ATP2B2: variants seen among roughly 807,000 people sequenced by gnomAD.
The protein encoded by ATP2B2 is plasma membrane calcium-transporting ATPase 2.
ATP2B2 carries 15 observed loss-of-function variants against 120.0 expected under a neutral mutation model. That is an observed-to-expected ratio of 0.12 (90% CI 0.08 to 0.19). The LOEUF (loss-of-function observed/expected upper bound fraction) is 0.19, where lower values mean the gene tolerates loss of function less well. Ranked by LOEUF, ATP2B2 falls within the 10% of genes least tolerant of loss-of-function variation. The pLI is 1.00. For synonymous variants in ATP2B2, 694 were observed against 700.3 expected, an observed-to-expected ratio of 0.99 and a Z score of 0.14; for missense variants, 1,045 against 1,719.8, an observed-to-expected ratio of 0.61 and a Z score of 6.94.
At chr3:10,473,794 A>C (rs776112536) in intron 1 of ATP2B2, among the ~76,000 whole-genome samples, 1 of 152,206 alleles carries the variant, frequency 6.6e-6, no homozygotes, top group African/African-American at 2.4e-5. Context: ...TGCTTTTAGT[A>C]ACTCAAAGAA....
chr3:10,543,885 C>T (rs962894683), intron 2 of ATP2B2, among the ~76,000 whole-genome samples: 4 of 152,008 alleles, frequency 2.6e-5, no homozygotes, highest in Non-Finnish European at 1.5e-5. Context: ...ACTACAGGCA[C>T]ATGTCATCAT....
intron 8 of ATP2B2, 101 bp downstream of exon 8, chr3:10,385,167 A>G (rs1290684965): frequency 1.7e-6 from 2 of 1,198,012 alleles, no homozygotes; most frequent in Non-Finnish European, 2.5e-6. Flanking sequence ...TGCACATCCG[A>G]GATCTGTGCA....
At chr3:10,487,090 A>C (rs1347842761) in intron 1 of ATP2B2, among the ~76,000 whole-genome samples, 1 of 152,164 alleles carries the variant, frequency 6.6e-6, no homozygotes, top group Non-Finnish European at 1.5e-5. Flanking sequence ...ACCACTATGT[A>C]CCCACTGCCT....
At chr3:10,580,902 G>C (rs775862510) in intron 2 of ATP2B2, among the ~76,000 whole-genome samples, 14 of 152,312 alleles carry the variant, frequency 9.2e-5, no homozygotes, top group Non-Finnish European at 1.6e-4. Context: ...TAGCAAAGTT[G>C]AATCATTGCG....
intron 14 of ATP2B2, 37 bp from the exon 15 acceptor site, chr3:10,350,614 ACCTCAGG>A: frequency 6.3e-7 from 1 of 1,598,578 alleles, no homozygotes; most frequent in Non-Finnish European, 8.5e-7. Flanking sequence ...GGAGGGCACC[ACCTCAGG>A]CAGACTCCCC....
In ATP2B2 at chr3:10,375,438, A is replaced by C; in HGVS notation, c.1408T>G (p.Ser470Ala). Reference protein sequence around the residue: ...PLAVTISLAYSVKKMMKDNNL... With the variant: ...PLAVTISLAYAVKKMMKDNNL... ...CTCTCCTCCCCTCTCACCTTCACCG[A>C]ATAGGCCAACGAGATGGTGACGGCC... The change falls in exon 11 of 23, where the codon TCG (serine) becomes GCG (alanine). Residue 470 changes from serine (S) to alanine (A), a missense_variant. This residue lies in a region of ATP2B2 where 343 missense variants were observed against 536.8 expected (regional missense o/e 0.64). Coordinates refer to ENST00000360273, the MANE Select transcript of ATP2B2 (RefSeq NM_001001331.4). This position sits in a 1 kb window ranked among gnomAD's most constrained non-coding sequence, Gnocchi z 4.2. 1 of 1,611,906 alleles carries C rather than the reference A, an allele frequency of 6.2e-7. No individual in the cohort carries two copies. Among genetic ancestry groups the C allele is most frequent in the Non-Finnish European group, 8.5e-7 (1 of 1,179,652 alleles).
At chr3:10,436,109 A>G (rs970994401) in intron 2 of ATP2B2, among the ~76,000 whole-genome samples, 4 of 152,166 alleles carry the variant, frequency 2.6e-5, no homozygotes, top group African/African-American at 9.7e-5. Flanking sequence ...AGAATCAGTG[A>G]TTTGCTGGTG....
intron 3 of ATP2B2, among the ~76,000 whole-genome samples, chr3:10,406,308 G>A (rs2062409139): frequency 6.6e-6 from 1 of 152,198 alleles, no homozygotes; most frequent in Admixed American, 6.5e-5. Context: ...TTAGGCATTA[G>A]GTAAAACTAG....
intron 1 of ATP2B2, among the ~76,000 whole-genome samples, chr3:10,490,751 C>T (rs991588320): frequency 2.0e-5 from 3 of 152,186 alleles, no homozygotes; most frequent in African/African-American, 7.2e-5. Context: ...TCAGGAGCTG[C>T]ACCCAGTAGG....
At chr3:10,682,159 C>T (rs959956825) in intron 1 of ATP2B2, among the ~76,000 whole-genome samples, 7 of 152,144 alleles carry the variant, frequency 4.6e-5, no homozygotes, top group Non-Finnish European at 7.4e-5. Flanking sequence ...AAAGAAACCT[C>T]GAAGGCATAG....
At chr3:10,556,350 G>A (rs182758180) in intron 2 of ATP2B2, among the ~76,000 whole-genome samples, 140 of 152,354 alleles carry the variant, frequency 9.2e-4, no homozygotes, top group Non-Finnish European at 1.6e-3. Flanking sequence ...GGACAAGGGT[G>A]AACAAGGTCT....
intron 2 of ATP2B2, among the ~76,000 whole-genome samples, chr3:10,536,105 T>C (rs904883304): frequency 6.6e-6 from 1 of 152,202 alleles, no homozygotes; most frequent in Non-Finnish European, 1.5e-5. Flanking sequence ...AGGGTTTATT[T>C]TGCATTTCCC....
At chr3:10,398,176 C>A (rs542749035) in intron 5 of ATP2B2, among the ~76,000 whole-genome samples, 2 of 152,316 alleles carry the variant, frequency 1.3e-5, no homozygotes, top group East Asian at 3.9e-4. Flanking sequence ...CACATTGCAA[C>A]AGGATAGAGC....
chr3:10,507,478 G>A (rs1372793796), upstream of ATP2B2, among the ~76,000 whole-genome samples: 1 of 152,150 alleles, frequency 6.6e-6, no homozygotes, highest in East Asian at 1.9e-4. Context: ...CCCAAAACAG[G>A]CCCGTGTAAA....
intron 2 of ATP2B2, among the ~76,000 whole-genome samples, chr3:10,551,099 A>G (rs1298089274): frequency 6.6e-6 from 1 of 152,182 alleles, no homozygotes; most frequent in African/African-American, 2.4e-5. Flanking sequence ...CGAATGTTTT[A>G]CGAAGGGGAC....
At chr3:10,457,600 T>A (rs996686794) in intron 1 of ATP2B2, among the ~76,000 whole-genome samples, 4 of 152,046 alleles carry the variant, frequency 2.6e-5, no homozygotes, top group African/African-American at 9.7e-5. Context: ...CCAAGATATC[T>A]GTGCCACACC....
intron 2 of ATP2B2, among the ~76,000 whole-genome samples, chr3:10,568,143 C>T (rs2068048794): frequency 6.6e-6 from 1 of 152,204 alleles, no homozygotes; most frequent in South Asian, 2.1e-4. Flanking sequence ...GGCTGTGCCC[C>T]TGACACTGTA....
chr3:10,425,922 C>G (rs1054438093), intron 2 of ATP2B2, among the ~76,000 whole-genome samples: 2 of 152,174 alleles, frequency 1.3e-5, no homozygotes, highest in African/African-American at 4.8e-5. Flanking sequence ...TCAGAATGCT[C>G]GAGTGGCTCC....
Position 10,348,815 on chromosome 3 carries a change from C to T in ATP2B2, c.2404+1297G>A, listed in dbSNP as rs555542348. Among the ~76,000 whole-genome samples the T allele has an allele frequency of 3.9e-5, 6 of 152,346 alleles. 1 individual carries two copies. Among genetic ancestry groups the T allele is most frequent in the Middle Eastern group, 3.4e-3 (1 of 294 alleles). Reference sequence around the variant, plus strand: ...CGTGCAGCCTGGCCCATGAATTCCACGTGGGCAGGACCAGGCCTGTCCTGA... The same window carrying T: ...CGTGCAGCCTGGCCCATGAATTCCATGTGGGCAGGACCAGGCCTGTCCTGA... On this transcript the variant is annotated intron_variant, in intron 16 of 22. Coordinates refer to ENST00000360273, the MANE Select transcript of ATP2B2 (RefSeq NM_001001331.4).
Sources: allele counts gnomAD v4.1 joint callset (sites outside exome capture counted in the v4.1 genomes callset), GRCh38; gene constraint gnomAD v4.1.1; regional missense constraint gnomAD v4.1.1; non-coding constraint Gnocchi (gnomAD v3.1); transcripts MANE v1.5; gene names NCBI Gene and HGNC (gene_info 2026-07-23, HGNC 2026-07-21).